SDK1: variants seen among roughly 807,000 people sequenced by gnomAD.
The protein encoded by SDK1 is sidekick cell adhesion molecule 1.
In SDK1, 157 loss-of-function variants were observed where a neutral mutation model predicts 245.5. The observed-to-expected ratio is 0.64, with a 90% CI of 0.56 to 0.73. SDK1 has a LOEUF of 0.73. Ranked by LOEUF, SDK1 falls within the 30% of genes least tolerant of loss-of-function variation. The probability of loss-of-function intolerance (pLI) is 0.00; values close to 1 mark genes in which losing one functional copy is unlikely to be tolerated. For synonymous variants in SDK1, 1,647 were observed against 1,278.5 expected, an observed-to-expected ratio of 1.29 and a Z score of -6.15; for missense variants, 3,583 against 3,002.3, an observed-to-expected ratio of 1.19 and a Z score of -4.52.
At chr7:3,403,328 A>G (rs917571818) in intron 1 of SDK1, among the ~76,000 whole-genome samples, 4 of 152,172 alleles carry the variant, frequency 2.6e-5, no homozygotes, top group Non-Finnish European at 5.9e-5. Flanking sequence ...ACCCATTTAC[A>G]TCATTAAAGT....
intron 4 of SDK1, among the ~76,000 whole-genome samples, chr7:3,786,566 A>T (rs1010713835): frequency 6.6e-6 from 1 of 152,322 alleles, no homozygotes; most frequent in East Asian, 1.9e-4. Flanking sequence ...AATGCAAAGA[A>T]CAGCACTGGA....
chr7:3,442,940 A>T (rs1780237724), intron 1 of SDK1, among the ~76,000 whole-genome samples: 1 of 152,116 alleles, frequency 6.6e-6, no homozygotes, highest in African/African-American at 2.4e-5. Flanking sequence ...TTAAAAACTA[A>T]TTTCTCCCAA....
chr7:4,215,674 T>A (rs1784756560), intron 38 of SDK1, among the ~76,000 whole-genome samples: 1 of 152,058 alleles, frequency 6.6e-6, no homozygotes, highest in Admixed American at 6.5e-5. Context: ...TTGGTGGTGG[T>A]GGTTTTGAGC....
Position 4,012,143 on chromosome 7 carries a change from G to A in SDK1, c.2328G>A (p.Val776=), listed in dbSNP as rs761590879. The change falls in exon 16 of 45, where the codon GTG becomes GTA. Residue 776 remains valine, a synonymous_variant. Transcript: ENST00000404826. ...CCAGTGCTCCCCCGAAAAATATAGTGGCCAGTGGGCGGACTAATCAGTCCA... is the reference window on the plus strand; with the variant it reads ...CCAGTGCTCCCCCGAAAAATATAGTAGCCAGTGGGCGGACTAATCAGTCCA... ...EPPSAPPKNI[V]ASGRTNQSIM... 2.5e-5 allele frequency: 39 copies of A among 1,577,566 alleles called. No homozygotes were observed. The highest frequency in any genetic ancestry group is 2.4e-5 in the East Asian group (1 of 41,334).
chr7:3,924,883 T>G (rs1161500588), intron 5 of SDK1, among the ~76,000 whole-genome samples: 1 of 152,158 alleles, frequency 6.6e-6, no homozygotes, highest in Non-Finnish European at 1.5e-5. Flanking sequence ...GACGACTCAC[T>G]TGTCTGGTGC....
chr7:3,640,048 G>A (rs1035527106), intron 3 of SDK1, among the ~76,000 whole-genome samples: 1 of 151,972 alleles, frequency 6.6e-6, no homozygotes, highest in African/African-American at 2.4e-5. Flanking sequence ...GTAGGGGAGG[G>A]ATCGCACTGC....
At chr7:4,136,827 G>T (rs1779127968) in intron 28 of SDK1, among the ~76,000 whole-genome samples, 1 of 152,242 alleles carries the variant, frequency 6.6e-6, no homozygotes, top group Non-Finnish European at 1.5e-5. Context: ...CGGAGAATCA[G>T]GAGCTCCAGC....
chr7:3,317,855 G>A (rs1379549134), intron 1 of SDK1, among the ~76,000 whole-genome samples: 1 of 152,120 alleles, frequency 6.6e-6, no homozygotes, highest in African/African-American at 2.4e-5. Context: ...TTTCATTCCA[G>A]TTTTTTAAGT....
intron 8 of SDK1, among the ~76,000 whole-genome samples, chr7:3,959,397 G>A (rs1484672648): frequency 6.6e-6 from 1 of 152,126 alleles, no homozygotes; most frequent in African/African-American, 2.4e-5. Context: ...TAGGACTGGT[G>A]AGCACAGCCA....
chr7:3,392,697 C>T (rs1781788493), intron 1 of SDK1, among the ~76,000 whole-genome samples: 1 of 152,084 alleles, frequency 6.6e-6, no homozygotes. Context: ...TATGTAAAAT[C>T]ATACAACACA....
chr7:4,033,160 C>T (rs969191974), intron 17 of SDK1, among the ~76,000 whole-genome samples: 1 of 151,964 alleles, frequency 6.6e-6, no homozygotes, highest in East Asian at 1.9e-4. Flanking sequence ...GGACCCCATT[C>T]GATATGGCAA....
intron 30 of SDK1, among the ~76,000 whole-genome samples, chr7:4,151,243 C>A (rs1184491259): frequency 2.6e-5 from 4 of 152,164 alleles, no homozygotes; most frequent in Admixed American, 2.6e-4. Flanking sequence ...GAAGCCAGCG[C>A]CCCAGTGCAC....
At chr7:3,782,164 C>T (rs950057580) in intron 4 of SDK1, among the ~76,000 whole-genome samples, 1 of 152,196 alleles carries the variant, frequency 6.6e-6, no homozygotes, top group Non-Finnish European at 1.5e-5. Flanking sequence ...AGCATGGTGC[C>T]AGCATGTGCT....
chr7:4,107,126 GGGGAGGGT>G (rs1782980497), intron 22 of SDK1, among the ~76,000 whole-genome samples: 1 of 135,952 alleles, frequency 7.4e-6, no homozygotes, highest in African/African-American at 3.0e-5. Flanking sequence ...TGGGGAGGGT[GGGGAGGGT>G]GGGGAGGGTG....
At chr7:3,784,584 C>T (rs1294780675) in intron 4 of SDK1, among the ~76,000 whole-genome samples, 1 of 152,048 alleles carries the variant, frequency 6.6e-6, no homozygotes, top group African/African-American at 2.4e-5. Context: ...AGAAGACATA[C>T]AAATGGCTGA....
chr7:4,032,939 G>A (rs1405001651), intron 17 of SDK1, among the ~76,000 whole-genome samples: 3 of 152,218 alleles, frequency 2.0e-5, no homozygotes, highest in East Asian at 1.9e-4. Context: ...AATAATAACA[G>A]ATTTTTTTCT....
intron 17 of SDK1, among the ~76,000 whole-genome samples, chr7:4,030,372 A>G (rs891253261): frequency 2.0e-5 from 3 of 152,260 alleles, no homozygotes; most frequent in African/African-American, 7.2e-5. Flanking sequence ...GAAAGATTTC[A>G]GTTCAGCATA....
At chr7:4,190,797 C>T (rs1017739102) in intron 35 of SDK1, among the ~76,000 whole-genome samples, 4 of 152,230 alleles carry the variant, frequency 2.6e-5, no homozygotes, top group African/African-American at 9.6e-5. Context: ...GTGATAGGAG[C>T]AGCTTCTCAG....
intron 5 of SDK1, among the ~76,000 whole-genome samples, chr7:3,829,398 T>C (rs533234723): frequency 3.3e-5 from 5 of 152,242 alleles, no homozygotes; most frequent in African/African-American, 9.6e-5. Context: ...CTGACAGATA[T>C]CGTCACGTAT....
Sources: allele counts gnomAD v4.1 joint callset (sites outside exome capture counted in the v4.1 genomes callset), GRCh38; gene constraint gnomAD v4.1.1; transcripts MANE v1.5; gene names NCBI Gene and HGNC (gene_info 2026-07-23, HGNC 2026-07-21).